OBSL1: variants seen among roughly 807,000 people sequenced by gnomAD.
OBSL1 encodes the protein obscurin like cytoskeletal adaptor 1, also known as obscurin-like protein 1.
In OBSL1, 160 loss-of-function variants were observed where a neutral mutation model predicts 172.0. That is an observed-to-expected ratio of 0.93 (90% CI 0.82 to 1.06). OBSL1 has a LOEUF of 1.06. Ranked by LOEUF, OBSL1 falls within the 50% of genes least tolerant of loss-of-function variation. The probability of loss-of-function intolerance (pLI) is 0.00; values close to 1 mark genes in which losing one functional copy is unlikely to be tolerated. For missense variants in OBSL1, 2,681 were observed against 2,715.4 expected (o/e 0.99, Z 0.28); for synonymous variants, 1,200 against 1,196.3 (o/e 1.00, Z -0.06).
downstream of OBSL1, chr2:219,547,578 G>T: frequency 6.8e-7 from 1 of 1,468,844 alleles, no homozygotes. Context: ...TTCCTCCTCT[G>T]CTACCGAGAG....
At chr2:219,547,757 T>TA (rs1290224970), downstream of OBSL1, 1 of 1,594,290 alleles carries the variant, frequency 6.3e-7, no homozygotes, top group Non-Finnish European at 8.5e-7. Context: ...CTCCGCACCC[T>TA]ACTACCAGCC....
chr2:219,555,851 T>C, intron 14 of OBSL1, 169 bp downstream of exon 14: 1 of 1,424,450 alleles, frequency 7.0e-7, no homozygotes. Context: ...AAATAAAAAA[T>C]ATTAGAAAAA....
At position 219,571,284 on chromosome 2, in the gene OBSL1, G is replaced by GC; in HGVS notation, c.-53dup. 1 of 1,003,086 alleles carries GC rather than the reference G, an allele frequency of 1.0e-6. No individual in the cohort carries two copies. The highest frequency in any genetic ancestry group is 1.3e-6 in the Non-Finnish European group (1 of 776,894). 62.1% of individuals were successfully genotyped at this position (1,003,086 alleles called of 1,614,324 possible). ...GAACGGTGGGGGGGCAGGGGGGGGTGCGGAGGGCGAGCCGAGGCCCGGGGC... is the reference window on the plus strand; with the variant it reads ...GAACGGTGGGGGGGCAGGGGGGGGTGCCGGAGGGCGAGCCGAGGCCCGGGGC... On this transcript the variant is annotated 5_prime_UTR_variant, in exon 1 of 21. Coordinates refer to ENST00000404537, the MANE Select transcript of OBSL1 (RefSeq NM_015311.3).
rs781254401 is a variant in OBSL1, at chr2:219,555,980, G to A, written c.4609+40C>T. 7.5e-6 allele frequency: 12 copies of A among 1,602,830 alleles called. No individual in the cohort carries two copies. The Admixed American group carries it at 1.3e-4, about 18-fold the overall frequency. On this transcript the variant is annotated intron_variant, in intron 14 of 20. Coordinates refer to ENST00000404537, the MANE Select transcript of OBSL1 (RefSeq NM_015311.3). ...CAGGACAGCCAGAAAAGGCTGTGGT[G>A]TAGGGTGGGTAATGCATTAAGAGAG...
chr2:219,567,848 C>T lies in OBSL1; in HGVS notation c.1404G>A (p.Leu468=), dbSNP rs886055665. 12 of 1,613,856 alleles carry T rather than the reference C, an allele frequency of 7.4e-6. No individual in the cohort carries two copies. The highest frequency in any genetic ancestry group is 9.3e-6 in the Non-Finnish European group (11 of 1,179,918). ...CTGAGCTGCTCTGGCAGATGACCGG[C>T]AGCTCCTCCCCATCACGGCTCCAGC... The part of the protein sequence containing the change: ...EGRWSRDGEE[L]PVICQSSSGH... Residue 468 remains leucine, a synonymous_variant, in exon 3 of 21, where the codon CTG becomes CTA. Transcript: ENST00000404537.
In OBSL1 at chr2:219,556,630, T is replaced by C. The variant is rs1483301725; in HGVS notation, c.4160A>G (p.Asp1387Gly). The C allele has an allele frequency of 1.2e-6, 2 of 1,613,980 alleles. No individual in the cohort carries two copies. The highest frequency in any genetic ancestry group is 8.5e-7 in the Non-Finnish European group (1 of 1,179,876). Residue 1387 changes from aspartate to glycine, a missense_variant, in exon 13 of 21, where the codon GAT becomes GGT. Physicochemically the swap from Asp to Gly is moderately conservative, Grantham distance 94. This residue lies in a region of OBSL1 where 1,765 missense variants were observed against 1,748.3 expected (regional missense o/e 1.01). Transcript: ENST00000404537. ...ATFRCEVSPP[D>G]ADVTWLRNGA... ...ATTGCGCAGCCAGGTGACATCGGCA[T>C]CTGGTGGGGAGACTTCACACCGGAA...
intron 1 of OBSL1, 53 bp downstream of exon 1, chr2:219,570,168 A>C (rs985967658): frequency 2.4e-5 from 34 of 1,423,426 alleles, no homozygotes; most frequent in Non-Finnish European, 3.0e-5. Flanking sequence ...TGGAGTTCGG[A>C]GGGCCTCGGA....
At chr2:219,554,814 C>T (rs775245100) in intron 14 of OBSL1, 74 bp from the exon 15 acceptor site, 10 of 1,464,982 alleles carry the variant, frequency 6.8e-6, no homozygotes, top group Non-Finnish European at 9.1e-6. Context: ...ATCCTCATCC[C>T]TTGGCCCTGC....
rs1326051509 is a variant in OBSL1, at chr2:219,551,763, C to A, written c.5449G>T (p.Glu1817Ter). 2.5e-6 allele frequency: 4 copies of A among 1,593,982 alleles called. No individual in the cohort carries two copies. Among genetic ancestry groups the A allele is most frequent in the Non-Finnish European group, 3.4e-6 (4 of 1,168,078 alleles). Residue 1817 changes from glutamate to a stop codon, truncating the protein, a stop_gained, in exon 20 of 21, where the codon GAG (glutamate) becomes TAG (stop). Coordinates refer to ENST00000404537, the MANE Select transcript of OBSL1 (RefSeq NM_015311.3). LOFTEE classifies it high-confidence loss of function. ...CGGCGGCCCACCAGAACGGTCTTCT[C>A]GCGAGGGGGGTGGCGGCACATCTGG... ...PLQMCRHPPR[E>*]KTVLVGRRAV...
Position 219,556,312 on chromosome 2 carries a change from C to T in OBSL1, c.4337-20G>A. 3.2e-6 allele frequency: 5 copies of T among 1,571,008 alleles called. No homozygotes were observed. Among genetic ancestry groups the T allele is most frequent in the Non-Finnish European group, 4.3e-6 (5 of 1,155,254 alleles). On this transcript the variant is annotated intron_variant, in intron 13 of 20. Coordinates refer to ENST00000404537, the MANE Select transcript of OBSL1 (RefSeq NM_015311.3). ...CTGTCTCTGGTGGGGAAGAAGGAGG[C>T]CATGGAGTCTGGTGGGGTTGGAGGC...
At chr2:219,566,263 C>T (rs1170493821) in intron 5 of OBSL1, among the ~76,000 whole-genome samples, 2 of 152,136 alleles carry the variant, frequency 1.3e-5, no homozygotes, top group Non-Finnish European at 2.9e-5. Flanking sequence ...TCTGTAGTCC[C>T]AGCTACTCGG....
At position 219,570,354 on chromosome 2, in the gene OBSL1, G is replaced by GA; in HGVS notation, c.878dup (p.Met294HisfsTer61). 6.2e-7 allele frequency: 1 copy of GA among 1,612,882 alleles called. No individual in the cohort carries two copies. Among genetic ancestry groups the GA allele is most frequent in the Non-Finnish European group, 8.5e-7 (1 of 1,179,518 alleles). The stretch of plus-strand genomic sequence containing the variant: ...AGCCGCCGTCGCGGTCGCGGTACAT[G>GA]AGGCGGCGGCGGTCCGGGAGCAGCG... On this transcript the variant is annotated frameshift_variant, in exon 1 of 21. Coordinates refer to ENST00000404537, the MANE Select transcript of OBSL1 (RefSeq NM_015311.3). LOFTEE classifies it high-confidence loss of function.
rs750498269 is a variant in OBSL1 at position 219,563,527 on chromosome 2, G to T, written c.2508C>A (p.Ala836=). The change falls in exon 7 of 21, where the codon GCC becomes GCA. Residue 836 remains alanine, a synonymous_variant. Coordinates refer to ENST00000404537, the MANE Select transcript of OBSL1 (RefSeq NM_015311.3). ...GCCCGTCCTTGTACCAACGCACAGG[G>T]GCGTCCTCTCGGTCCACCTCACAGG... ...MLACEVDRED[A]PVRWYKDGQE... 1 of 1,613,846 alleles carries T rather than the reference G, an allele frequency of 6.2e-7. No individual in the cohort carries two copies. The highest frequency in any genetic ancestry group is 1.1e-5 in the South Asian group (1 of 91,078).
rs1360667337 is a variant in OBSL1, at chr2:219,568,679, C to T, written c.1013-355G>A. 6.6e-6 allele frequency among the ~76,000 whole-genome samples: 1 copy of T among 152,100 alleles called. No homozygotes were observed. Among genetic ancestry groups the T allele is most frequent in the South Asian group, 2.1e-4 (1 of 4,824 alleles). On this transcript the variant is annotated intron_variant, in intron 1 of 20. Coordinates refer to ENST00000404537, the MANE Select transcript of OBSL1 (RefSeq NM_015311.3). The surrounding 1 kb of genome is among the most constrained non-coding windows in gnomAD (Gnocchi z 4.1). ...CTAGATTGGTGATTTCCAAACTGTT[C>T]CCTGGCTCCCCCCGCCCCAGTCATT...
At chr2:219,554,355 G>A in intron 15 of OBSL1, 119 bp downstream of exon 15, 1 of 1,216,666 alleles carries the variant, frequency 8.2e-7, no homozygotes, top group East Asian at 2.3e-5. Context: ...ATGTCAATGA[G>A]GGCCACACTG....
intron 8 of OBSL1, among the ~76,000 whole-genome samples, chr2:219,561,464 C>T (rs1696461495): frequency 1.3e-5 from 2 of 152,168 alleles, no homozygotes. Context: ...AAAGCACTTC[C>T]TGTTGCCTGG....
At chr2:219,567,160 A>G (rs745664657) in intron 4 of OBSL1, 34 bp from the exon 5 acceptor site, 6 of 1,603,068 alleles carry the variant, frequency 3.7e-6, no homozygotes, top group Non-Finnish European at 5.1e-6. Flanking sequence ...TGTCAGAACT[A>G]GAAGGTGTGG....
chr2:219,556,020 G>A lies in OBSL1; in HGVS notation c.4609C>T (p.Pro1537Ser), dbSNP rs771648709. The change falls in exon 14 of 21, where the codon CCG becomes TCG. Residue 1537 changes from proline (P) to serine (S), a missense_variant and splice_region_variant. By Grantham distance (74) the Pro-to-Ser change is moderately conservative. This residue lies in a region of OBSL1 where 1,765 missense variants were observed against 1,748.3 expected (regional missense o/e 1.01). Transcript: ENST00000404537. ...CATTAAGAGAGGACGGGGCACTCAC[G>A]CCTCACGCTGAGCCTGGCCAGGGTG... is the stretch of plus-strand genomic sequence containing the variant. The part of the protein sequence containing the change: ...DRTLARLSVR[P>S]RQLRVLRPLE... 3.7e-6 allele frequency: 6 copies of A among 1,613,186 alleles called. No homozygotes were observed. The highest frequency in any genetic ancestry group is 1.3e-5 in the African/African-American group (1 of 74,918).
downstream of OBSL1, chr2:219,547,894 C>T (rs763873836): frequency 1.9e-6 from 3 of 1,596,392 alleles, no homozygotes; most frequent in Non-Finnish European, 2.5e-6. Flanking sequence ...CGCTGATCGC[C>T]ACTGCCGCTG....
Sources: gnomAD v4.1 joint callset for allele counts (sites outside exome capture counted in the v4.1 genomes callset) on GRCh38, gnomAD v4.1.1 for gene constraint, gnomAD v4.1.1 regional missense constraint, Gnocchi (gnomAD v3.1) non-coding constraint, MANE v1.5 for transcripts, NCBI Gene and HGNC (gene_info 2026-07-23, HGNC 2026-07-21) for gene names.